The following CDHR2 variants were observed in gnomAD, a reference collection of about 807,000 sequenced individuals.
The protein encoded by CDHR2 is cadherin-related family member 2.
A neutral mutation model predicts 138.6 loss-of-function variants in CDHR2; 104 were observed. The observed-to-expected ratio is 0.75, with a 90% CI of 0.64 to 0.88. The LOEUF (loss-of-function observed/expected upper bound fraction) is 0.88. Among genes scored for constraint, CDHR2 ranks in the 40% least tolerant of loss-of-function variants. The pLI is 0.00. For missense variants in CDHR2, 1,624 were observed against 1,727.6 expected, an observed-to-expected ratio of 0.94 and a Z score of 1.06; for synonymous variants, 755 against 742.8, an observed-to-expected ratio of 1.02 and a Z score of -0.27.
intron 30 of CDHR2, chr5:176,591,825 G>A (rs1758861234): frequency 3.2e-6 from 1 of 310,488 alleles, no homozygotes; most frequent in African/African-American, 2.3e-5. Flanking sequence ...GGTTGTGATG[G>A]TGATGGTGGT....
At chr5:176,547,034 A>T (rs189266424), upstream of CDHR2, among the ~76,000 whole-genome samples, 1 of 149,884 alleles carries the variant, frequency 6.7e-6, no homozygotes, top group East Asian at 2.0e-4. Context: ...GCTAGAGTGC[A>T]GTGGGACAAT....
chr5:176,542,979 G>T (rs996703434), intron 1 of CDHR2, among the ~76,000 whole-genome samples: 1 of 152,146 alleles, frequency 6.6e-6, no homozygotes, highest in Non-Finnish European at 1.5e-5. Flanking sequence ...ACTCGCCGGG[G>T]GTGGCGGTCG....
chr5:176,580,552 G>T (rs1158361919), intron 16 of CDHR2, among the ~76,000 whole-genome samples: 1 of 148,696 alleles, frequency 6.7e-6, no homozygotes, highest in African/African-American at 2.5e-5. Context: ...AAGAAAGAAA[G>T]AAAGAAAAAA....
At chr5:176,557,560 ATTTTTTTT>A (rs5873538) in intron 1 of CDHR2, among the ~76,000 whole-genome samples, 1 of 87,428 alleles carries the variant, frequency 1.1e-5, no homozygotes, top group Admixed American at 1.3e-4. Flanking sequence ...ACCTTCTTAG[ATTTTTTTT>A]TTTTTTTTTT....
intron 3 of CDHR2, among the ~76,000 whole-genome samples, chr5:176,568,288 G>A (rs963891363): frequency 2.6e-5 from 4 of 152,236 alleles, no homozygotes; most frequent in African/African-American, 9.6e-5. Context: ...TGGCTCACTT[G>A]AGCAGAAAGG....
rs1299481544 is a variant in CDHR2 at position 176,589,956 on chromosome 5, A to G, written c.3207-122A>G. 1.3e-5 allele frequency: 10 copies of G among 799,562 alleles called. No homozygotes were observed. The East Asian group carries it at 2.4e-4, about 19-fold the overall frequency. 49.5% of individuals were successfully genotyped at this position (799,562 alleles called of 1,614,324 possible). Reference sequence around the variant, plus strand: ...TCACAGAGATGCTACCTACTCAGCCAACAGAGCTGTCCAGAGGAGGTGCCC... The same window carrying G: ...TCACAGAGATGCTACCTACTCAGCCGACAGAGCTGTCCAGAGGAGGTGCCC... On this transcript the variant is annotated intron_variant, in intron 24 of 31. Transcript: ENST00000261944.
rs1172553014 is a variant in CDHR2, at chr5:176,581,442, G to A, written c.1918G>A (p.Gly640Arg). Reference sequence around the variant, plus strand: ...CAACTTCTCCTTGGACCCTGACACAGGGCTCCTCAGAAACCTGGGGCCCCT... The same window carrying A: ...CAACTTCTCCTTGGACCCTGACACAAGGCTCCTCAGAAACCTGGGGCCCCT... The part of the protein sequence containing the change: ...SHNFSLDPDT[G>R]LLRNLGPLDR... Residue 640 changes from glycine (G) to arginine (R), a missense_variant, in exon 17 of 32, where the codon GGG (glycine) becomes AGG (arginine). This residue lies in a region of CDHR2 where 1,061 missense variants were observed against 1,136.6 expected (regional missense o/e 0.93). Coordinates refer to ENST00000261944, the MANE Select transcript of CDHR2 (RefSeq NM_017675.6). The A allele has an allele frequency of 1.9e-6, 3 of 1,614,168 alleles. No homozygotes were observed. Among genetic ancestry groups the A allele is most frequent in the South Asian group, 2.2e-5 (2 of 91,078 alleles).
At chr5:176,571,114 G>T in intron 5 of CDHR2, 99 bp from the exon 6 acceptor site, 20 of 480,214 alleles carry the variant, frequency 4.2e-5, no homozygotes, top group East Asian at 1.8e-4. Flanking sequence ...ACAGTAGGTT[G>T]ATCTGGATGA....
In CDHR2 at chr5:176,581,414, C is replaced by T; in HGVS notation, c.1890C>T (p.Ser630=). ...LLFNLLPGPY[S]HNFSLDPDTG... is the part of the protein sequence containing the mutation. ...TCAACCTGCTGCCTGGCCCCTACAG[C>T]CACAACTTCTCCTTGGACCCTGACA... Residue 630 remains serine (S), a synonymous_variant, in exon 17 of 32, where the codon AGC becomes AGT. Transcript: ENST00000261944. 1.2e-6 allele frequency: 2 copies of T among 1,614,196 alleles called. No homozygotes were observed. The highest frequency in any genetic ancestry group is 1.7e-6 in the Non-Finnish European group (2 of 1,180,052).
chr5:176,581,623 A>G, intron 17 of CDHR2, 41 bp downstream of exon 17: 1 of 1,600,480 alleles, frequency 6.2e-7, no homozygotes, highest in Non-Finnish European at 8.5e-7. Context: ...GGGGCCTCCC[A>G]AGCCGATAGC....
In CDHR2 at chr5:176,591,343, T is replaced by G; in HGVS notation, c.3653+20T>G. 1 of 1,610,794 alleles carries G rather than the reference T, an allele frequency of 6.2e-7. No homozygotes were observed. On this transcript the variant is annotated intron_variant, in intron 29 of 31. Coordinates refer to ENST00000261944, the MANE Select transcript of CDHR2 (RefSeq NM_017675.6). ...TGAGCGGTGAGCAGGGGTCAAAGGG[T>G]AGGTAAGAGGCCTGGTGGGGTGGCT...
chr5:176,592,797 A>G lies in CDHR2; in HGVS notation c.3792+17A>G. On this transcript the variant is annotated intron_variant, in intron 31 of 31. Transcript: ENST00000261944. ...GAAATCAAGGCAAGATGGGGGATGAATTGGTGCCTGGAGGTTCCAACTTGG... is the reference window on the plus strand; with the variant it reads ...GAAATCAAGGCAAGATGGGGGATGAGTTGGTGCCTGGAGGTTCCAACTTGG... 1 of 1,612,394 alleles carries G rather than the reference A, an allele frequency of 6.2e-7. No homozygotes were observed. The highest frequency in any genetic ancestry group is 8.5e-7 in the Non-Finnish European group (1 of 1,178,626).
chr5:176,563,939 C>A (rs115876710), intron 1 of CDHR2, among the ~76,000 whole-genome samples: 1 of 152,152 alleles, frequency 6.6e-6, no homozygotes, highest in African/African-American at 2.4e-5. Flanking sequence ...CAGTGGCACA[C>A]GTCTGTAATC....
At chr5:176,552,727 G>A (rs557825787) in intron 1 of CDHR2, among the ~76,000 whole-genome samples, 1 of 152,306 alleles carries the variant, frequency 6.6e-6, no homozygotes, top group African/African-American at 2.4e-5. Context: ...GAGAAACCCG[G>A]GGCCAACCCC....
rs141983190 is a variant in CDHR2, at chr5:176,553,706, C to G, written c.-16+4292C>G. On this transcript the variant is annotated intron_variant, in intron 1 of 31. Transcript: ENST00000261944. The surrounding 1 kb of genome is among the most constrained non-coding windows in gnomAD (Gnocchi z 4.3). Reference sequence around the variant, plus strand: ...GTACCGCTAATGCCCAGCTCACCTGCGTCTCCACCGCCAGCCCCGCCACCA... The same window carrying G: ...GTACCGCTAATGCCCAGCTCACCTGGGTCTCCACCGCCAGCCCCGCCACCA... 6.6e-6 allele frequency among the ~76,000 whole-genome samples: 1 copy of G among 152,026 alleles called. No individual in the cohort carries two copies. The highest frequency in any genetic ancestry group is 2.1e-4 in the South Asian group (1 of 4,830).
At chr5:176,555,035 T>TGTCTTCATTC (rs1757791476) in intron 1 of CDHR2, among the ~76,000 whole-genome samples, 2 of 152,242 alleles carry the variant, frequency 1.3e-5, no homozygotes. Context: ...AGTCTCTTGC[T>TGTCTTCATTC]ATTCATTGCT....
At chr5:176,589,967 C>G in intron 24 of CDHR2, 111 bp from the exon 25 acceptor site, 1 of 863,324 alleles carries the variant, frequency 1.2e-6, no homozygotes, top group Non-Finnish European at 2.0e-6. Flanking sequence ...ACAGAGCTGT[C>G]CAGAGGAGGT....
Position 176,577,805 on chromosome 5 carries a change from G to A in CDHR2, c.1512+7G>A, listed in dbSNP as rs1758429941. 6.2e-7 allele frequency: 1 copy of A among 1,613,678 alleles called. No individual in the cohort carries two copies. Among genetic ancestry groups the A allele is most frequent in the Admixed American group, 1.7e-5 (1 of 59,948 alleles). On this transcript the variant is annotated splice_region_variant and intron_variant, in intron 14 of 31. Coordinates refer to ENST00000261944, the MANE Select transcript of CDHR2 (RefSeq NM_017675.6). Reference sequence around the variant, plus strand: ...GGTCACCGACAGCATCCACGTGAGTGATGTGGACACAGTGGGGCTGTGGGG... The same window carrying A: ...GGTCACCGACAGCATCCACGTGAGTAATGTGGACACAGTGGGGCTGTGGGG...
chr5:176,563,590 G>A (rs1321480384), intron 1 of CDHR2, among the ~76,000 whole-genome samples: 1 of 152,112 alleles, frequency 6.6e-6, no homozygotes, highest in Non-Finnish European at 1.5e-5. Context: ...TTATAATTTG[G>A]CATCTTATTG....
Sources: allele counts gnomAD v4.1 joint callset (sites outside exome capture counted in the v4.1 genomes callset), GRCh38; gene constraint gnomAD v4.1.1; regional missense constraint gnomAD v4.1.1; non-coding constraint Gnocchi (gnomAD v3.1); transcripts MANE v1.5; gene names NCBI Gene and HGNC (gene_info 2026-07-23, HGNC 2026-07-21).